RIF1: variants seen among roughly 807,000 people sequenced by gnomAD.
RIF1 encodes telomere-associated protein RIF1.
In RIF1, 45 loss-of-function variants were observed where a neutral mutation model predicts 247.1. The observed-to-expected ratio is 0.18, with a 90% CI of 0.14 to 0.23. The LOEUF (loss-of-function observed/expected upper bound fraction) is 0.23. Among genes scored for constraint, RIF1 ranks in the 10% least tolerant of loss-of-function variants. The pLI is 1.00. For missense variants in RIF1, 2,967 were observed against 2,862.5 expected (o/e 1.04, Z -0.83); for synonymous variants, 1,087 against 978.8 (o/e 1.11, Z -2.06).
rs1165871476 is a variant in RIF1, at chr2:151,458,864, A to C, written c.2909A>C (p.Glu970Ala). 6.2e-7 allele frequency: 1 copy of C among 1,613,310 alleles called. No homozygotes were observed. ...TTTCTGCTCCTGTTGCCTGGTTTGGAAACTGTTGAAATGATGGAGGAATCC... is the reference window on the plus strand; with the variant it reads ...TTTCTGCTCCTGTTGCCTGGTTTGGCAACTGTTGAAATGATGGAGGAATCC... The part of the protein sequence containing the change: ...QKFLLLLPGL[E>A]TVEMMEESSG... The change falls in exon 25 of 36, where the codon GAA becomes GCA. Residue 970 changes from glutamate to alanine, a missense_variant. Around this residue, in one of 7 missense-constraint regions of RIF1, gnomAD observed 2,028 missense variants for 1,825.6 expected, o/e 1.11. Coordinates refer to ENST00000444746, the MANE Select transcript of RIF1 (RefSeq NM_018151.5).
chr2:151,452,051 A>G (rs2152439862), intron 21 of RIF1, among the ~76,000 whole-genome samples: 1 of 152,204 alleles, frequency 6.6e-6, no homozygotes, highest in East Asian at 1.9e-4. Context: ...AAACTTAGAC[A>G]TAACTTAAAA....
At position 151,490,420 on chromosome 2, in the gene RIF1, G is replaced by C. The variant is rs1056576505; in HGVS notation, c.*416-4809G>C. 3 of 1,599,650 alleles carry C rather than the reference G, an allele frequency of 1.9e-6. No individual in the cohort carries two copies. The African/African-American group carries it at 4.0e-5, about 21-fold the overall frequency. ...CCGTCGCTGTAAGTCGAAAGGTGGT[G>C]GTCTGGTGCTTCTGAATGCTCAGAC... On this transcript the variant is annotated intron_variant and NMD_transcript_variant, in intron 9 of 13. Transcript: ENST00000454583.
chr2:151,497,119 G>A (rs899092775), intron 10 of RIF1: 43 of 1,455,390 alleles, frequency 3.0e-5, no homozygotes, highest in Middle Eastern at 1.7e-4. Context: ...CAGCTTCCTT[G>A]TTAAGACAAA....
intron 8 of RIF1, among the ~76,000 whole-genome samples, 155 bp from the exon 9 acceptor site, chr2:151,428,629 C>T (rs571774431): frequency 6.6e-6 from 1 of 152,166 alleles, no homozygotes; most frequent in Non-Finnish European, 1.5e-5. Flanking sequence ...ACATTTAACA[C>T]ATCTCTTTAT....
chr2:151,462,860 A>G, intron 29 of RIF1, 24 bp from the exon 30 acceptor site: 1 of 1,473,678 alleles, frequency 6.8e-7, no homozygotes, highest in South Asian at 1.3e-5. Flanking sequence ...GTGTGTGTAT[A>G]TATATGTATA....
intron 4 of RIF1, 77 bp from the exon 5 acceptor site, chr2:151,416,484 G>A (rs1020547351): frequency 1.6e-6 from 2 of 1,277,596 alleles, no homozygotes; most frequent in African/African-American, 1.5e-5. Flanking sequence ...TGAGTATATT[G>A]TTTTCTCTAG....
Position 151,501,445 on chromosome 2 carries a change from T to C in RIF1, c.*710-1589T>C, listed in dbSNP as rs769117795. On this transcript the variant is annotated intron_variant and NMD_transcript_variant, in intron 11 of 13. Transcript: ENST00000454583. Reference sequence around the variant, plus strand: ...CTCGCTCCATCTCAGGAGTGACAGGTAGGGGAGTCCCCTTGCTCAAGTTCT... The same window carrying C: ...CTCGCTCCATCTCAGGAGTGACAGGCAGGGGAGTCCCCTTGCTCAAGTTCT... 1.7e-4 allele frequency: 260 copies of C among 1,543,584 alleles called. No individual in the cohort carries two copies. The highest frequency in any genetic ancestry group is 2.1e-4 in the Non-Finnish European group (245 of 1,142,762).
chr2:151,425,531 A>G lies in RIF1; in HGVS notation c.786+2489A>G, dbSNP rs111569579. Among the ~76,000 whole-genome samples the G allele has an allele frequency of 4.1e-3, 630 of 152,016 alleles. 5 individuals are homozygous for G. The highest frequency in any genetic ancestry group is 0.014 in the African/African-American group (592 of 41,470). On this transcript the variant is annotated intron_variant, in intron 8 of 35. Coordinates refer to ENST00000444746, the MANE Select transcript of RIF1 (RefSeq NM_018151.5). ...TTTAGATCTTGAATGTAGATCTTTG[A>G]ACCATTTTGAGTGAATATTTGGATA... is the stretch of plus-strand genomic sequence containing the variant.
At chr2:151,507,910 C>T in exon 14 of RIF1, 1 of 837,722 alleles carries the variant, frequency 1.2e-6, no homozygotes, top group Non-Finnish European at 2.0e-6. Context: ...GAGGGCTGCA[C>T]AACAGCCCCA....
chr2:151,437,221 C>G lies in RIF1; in HGVS notation c.1373-20C>G. ...TAAATCTGTTGTTTTACATAATTAT[C>G]TTTTATTCTTCCCTTTCAGAGCCAT... On this transcript the variant is annotated intron_variant, in intron 12 of 35. Coordinates refer to ENST00000444746, the MANE Select transcript of RIF1 (RefSeq NM_018151.5). The G allele has an allele frequency of 6.4e-7, 1 of 1,555,406 alleles. No individual in the cohort carries two copies. Among genetic ancestry groups the G allele is most frequent in the Non-Finnish European group, 8.9e-7 (1 of 1,128,412 alleles).
intron 11 of RIF1, among the ~76,000 whole-genome samples, chr2:151,501,111 G>T (rs1246889724): frequency 1.3e-5 from 2 of 151,820 alleles, no homozygotes; most frequent in African/African-American, 4.8e-5. Context: ...TTAGTGTTTG[G>T]TTTTTCTTTT....
At chr2:151,509,152 C>G (rs1479706061), downstream of RIF1, among the ~76,000 whole-genome samples, 1 of 151,988 alleles carries the variant, frequency 6.6e-6, no homozygotes, top group Non-Finnish European at 1.5e-5. Flanking sequence ...GTAATCTTGC[C>G]AGAGACAACA....
At chr2:151,533,890 G>A in the RIF1 span, among the ~76,000 whole-genome samples, 5 of 152,050 alleles carry the variant, frequency 3.3e-5, no homozygotes, top group Non-Finnish European at 7.4e-5. Flanking sequence ...TTTGTTTTTT[G>A]TTGTTGTTTG....
chr2:151,450,542 A>G (rs1694116109), intron 20 of RIF1, among the ~76,000 whole-genome samples: 1 of 151,930 alleles, frequency 6.6e-6, no homozygotes, highest in African/African-American at 2.4e-5. Context: ...ACCTTCTTGA[A>G]AATTTGTGTC....
At chr2:151,497,488 A>G in intron 10 of RIF1, 1 of 1,473,122 alleles carries the variant, frequency 6.8e-7, no homozygotes, top group Non-Finnish European at 8.9e-7. Context: ...AGCCCAAAGG[A>G]AAAAAGGATA....
At chr2:151,489,218 TC>T (rs2053973039) in intron 9 of RIF1, among the ~76,000 whole-genome samples, 2 of 152,358 alleles carry the variant, frequency 1.3e-5, no homozygotes, top group African/African-American at 4.8e-5. Flanking sequence ...CAAAGATTGT[TC>T]ATATCAATCC....
chr2:151,490,289 T>G, intron 9 of RIF1: 1 of 1,490,608 alleles, frequency 6.7e-7, no homozygotes, highest in South Asian at 1.3e-5. Context: ...TTAAATTTGT[T>G]TTTGTACTCA....
Position 151,464,051 on chromosome 2 carries a change from A to G in RIF1, c.4531A>G (p.Ile1511Val), listed in dbSNP as rs770875196. 2 of 1,612,766 alleles carry G rather than the reference A, an allele frequency of 1.2e-6. No individual in the cohort carries two copies. The highest frequency in any genetic ancestry group is 3.4e-5 in the Admixed American group (2 of 59,700). ...TAAAAAAAAGGCAGACCCTGAGAAC[A>G]TTAAGTCTGAGGGGGATGGTACCCA... ...QNKKKADPEN[I>V]KSEGDGTQDI... Residue 1511 changes from isoleucine to valine, a missense_variant, in exon 30 of 36, where the codon ATT becomes GTT. Ile to Val is a conservative substitution (Grantham distance 29). This residue lies in a region of RIF1 where 2,028 missense variants were observed against 1,825.6 expected (regional missense o/e 1.11). Transcript: ENST00000444746.
chr2:151,524,403 C>G, the RIF1 span: 1 of 1,613,994 alleles, frequency 6.2e-7, no homozygotes, highest in Admixed American at 1.7e-5. Context: ...CGGTGCTTGG[C>G]TCTGTACTCC....
Sources: allele counts gnomAD v4.1 joint callset (sites outside exome capture counted in the v4.1 genomes callset), GRCh38; gene constraint gnomAD v4.1.1; regional missense constraint gnomAD v4.1.1; transcripts MANE v1.5; gene names NCBI Gene and HGNC (gene_info 2026-07-23, HGNC 2026-07-21).